Variants in MAST4 observed in about 807,000 individuals in gnomAD.
MAST4 encodes the protein microtubule associated serine/threonine kinase family member 4, also known as microtubule-associated serine/threonine-protein kinase 4.
In MAST4, 89 loss-of-function variants were observed where a neutral mutation model predicts 162.7. The ratio of observed to expected loss-of-function variants is 0.55; its 90% CI spans 0.46 to 0.65. The LOEUF (loss-of-function observed/expected upper bound fraction) is 0.65. Among genes scored for constraint, MAST4 ranks in the 30% least tolerant of loss-of-function variants. MAST4 has a pLI of 0.00. For missense variants in MAST4, 3,153 were observed against 3,374.0 expected, an observed-to-expected ratio of 0.93 and a Z score of 1.62; for synonymous variants, 1,479 against 1,361.1, an observed-to-expected ratio of 1.09 and a Z score of -1.91.
At chr5:66,631,320 G>A (rs897901661) in intron 1 of MAST4, among the ~76,000 whole-genome samples, 1 of 152,132 alleles carries the variant, frequency 6.6e-6, no homozygotes, top group African/African-American at 2.4e-5. Flanking sequence ...TCTAAGTAGG[G>A]GGTAAGGAGT....
chr5:66,856,597 G>T (rs1012635668), intron 3 of MAST4, among the ~76,000 whole-genome samples: 1 of 152,242 alleles, frequency 6.6e-6, no homozygotes, highest in African/African-American at 2.4e-5. Context: ...TGGAGGAAAA[G>T]ATTAGAAGTT....
In MAST4 at chr5:66,700,770, TA is replaced by T. The variant is rs1397591100; in HGVS notation, c.364-58929del. Among the ~76,000 whole-genome samples, 471 of 137,574 alleles carry T rather than the reference TA, an allele frequency of 3.4e-3. 3 individuals carry two copies. Among genetic ancestry groups the T allele is most frequent in the African/African-American group, 0.011 (393 of 36,874 alleles). The allele number at this position is 137,574 out of a possible 152,430, so 90.3% of individuals were successfully genotyped here. On this transcript the variant is annotated intron_variant, in intron 1 of 28. Coordinates refer to ENST00000403625, the MANE Select transcript of MAST4 (RefSeq NM_001164664.2). ...CTGTATGGAAATGAGGCTGTGAGAT[TA>T]AAAAAAAAATTATATATATATATAT...
At chr5:66,773,905 C>T (rs1754469164) in intron 2 of MAST4, among the ~76,000 whole-genome samples, 1 of 152,220 alleles carries the variant, frequency 6.6e-6, no homozygotes, top group Non-Finnish European at 1.5e-5. Flanking sequence ...TAATGCTGCA[C>T]CCAATTCAGC....
intron 26 of MAST4, among the ~76,000 whole-genome samples, chr5:67,154,748 TG>T (rs1475496747): frequency 6.6e-6 from 1 of 152,222 alleles, no homozygotes; most frequent in African/African-American, 2.4e-5. Context: ...AAGAACATCC[TG>T]CCTGTGTTCA....
chr5:66,755,113 CT>C (rs1251083957), intron 1 of MAST4, among the ~76,000 whole-genome samples: 13 of 152,012 alleles, frequency 8.6e-5, no homozygotes, highest in African/African-American at 2.4e-4. Context: ...ACAGAGACCT[CT>C]TGAGATGCTA....
At chr5:67,152,133 A>G (rs1771907720) in intron 24 of MAST4, among the ~76,000 whole-genome samples, 1 of 152,152 alleles carries the variant, frequency 6.6e-6, no homozygotes. Flanking sequence ...AAATTGATAA[A>G]TTGCTTTCCT....
intron 3 of MAST4, among the ~76,000 whole-genome samples, chr5:66,863,579 T>C (rs1314537206): frequency 6.6e-6 from 1 of 152,166 alleles, no homozygotes; most frequent in Non-Finnish European, 1.5e-5. Flanking sequence ...TCTCATGCTT[T>C]CTTTTCTTCC....
intron 3 of MAST4, among the ~76,000 whole-genome samples, chr5:66,843,628 T>G (rs1758585279): frequency 6.6e-6 from 1 of 152,172 alleles, no homozygotes; most frequent in Non-Finnish European, 1.5e-5. Flanking sequence ...AAGTTCTTTG[T>G]TAAGCCTTAT....
rs55717614 is a variant in MAST4 at position 67,142,142 on chromosome 5, G to A, written c.2522G>A (p.Arg841Gln). ...GGTGCATATGAAGTCAAACAGCATC[G>A]ATTCTTCCGTTCTTTAGACTGGAAC... ...TGGAYEVKQH[R>Q]FFRSLDWNSL... The change falls in exon 20 of 29, where the codon CGA becomes CAA. Residue 841 changes from arginine (R) to glutamine (Q), a missense_variant. Physicochemically the swap from Arg to Gln is conservative, Grantham distance 43. Around this residue, in one of 7 missense-constraint regions of MAST4, gnomAD observed 62 missense variants for 63.1 expected, o/e 0.98. Coordinates refer to ENST00000403625, the MANE Select transcript of MAST4 (RefSeq NM_001164664.2). 1.9e-6 allele frequency: 3 copies of A among 1,613,860 alleles called. No individual in the cohort carries two copies. The South Asian group carries it at 3.3e-5, about 18-fold the overall frequency.
intron 4 of MAST4, among the ~76,000 whole-genome samples, chr5:67,013,243 T>A (rs995056776): frequency 6.6e-5 from 10 of 152,368 alleles, no homozygotes; most frequent in African/African-American, 2.4e-4. Flanking sequence ...CTGTTCAAAG[T>A]AAGTACCAGC....
At chr5:67,142,699 G>A (rs1309768217) in intron 21 of MAST4, 166 bp downstream of exon 21, 4 of 581,346 alleles carry the variant, frequency 6.9e-6, no homozygotes, top group Non-Finnish European at 1.2e-5. Context: ...CTTATAGTCT[G>A]TCCCTATCCC....
intron 3 of MAST4, among the ~76,000 whole-genome samples, chr5:66,808,961 G>GCTT (rs1183864701): frequency 6.6e-6 from 1 of 152,166 alleles, no homozygotes; most frequent in Non-Finnish European, 1.5e-5. Context: ...TTTTTGTATA[G>GCTT]CACTTCACTG....
rs557519557 is a variant in MAST4 at position 67,044,699 on chromosome 5, A to C, written c.675-9705A>C. On this transcript the variant is annotated intron_variant, in intron 4 of 28. Coordinates refer to ENST00000403625, the MANE Select transcript of MAST4 (RefSeq NM_001164664.2). ...AGCTATTTTTAAAAATATTTTATAG[A>C]GTGGGGTTTCCCTATGTTAACCAAG... is the stretch of plus-strand genomic sequence containing the variant. 3.4e-4 allele frequency among the ~76,000 whole-genome samples: 51 copies of C among 152,210 alleles called. 2 individuals are homozygous for C. The South Asian group carries it at 6.9e-3, about 20-fold the overall frequency.
At chr5:66,933,915 C>A (rs895359560) in intron 4 of MAST4, among the ~76,000 whole-genome samples, 1 of 151,930 alleles carries the variant, frequency 6.6e-6, no homozygotes, top group Admixed American at 6.6e-5. Flanking sequence ...TGGTGTTGAA[C>A]TCCTGGCTTC....
chr5:67,123,067 C>T (rs997404659), intron 14 of MAST4, among the ~76,000 whole-genome samples: 15 of 152,312 alleles, frequency 9.8e-5, no homozygotes, highest in Admixed American at 5.2e-4. Context: ...TTCACCCAGT[C>T]AGTGAGGCTG....
At chr5:66,930,859 AT>A (rs1742117562) in intron 4 of MAST4, 1 of 462,746 alleles carries the variant, frequency 2.2e-6, no homozygotes, top group Non-Finnish European at 4.5e-6. Context: ...GCAGAGATGG[AT>A]AGAATTGTTG....
chr5:66,773,034 C>T (rs1445464426), intron 2 of MAST4, among the ~76,000 whole-genome samples: 1 of 152,142 alleles, frequency 6.6e-6, no homozygotes, highest in Admixed American at 6.5e-5. Flanking sequence ...GTCACTCGAG[C>T]ATACCCAGGC....
At chr5:66,624,066 A>G (rs1343620290) in intron 1 of MAST4, among the ~76,000 whole-genome samples, 1 of 152,026 alleles carries the variant, frequency 6.6e-6, no homozygotes, top group African/African-American at 2.4e-5. Flanking sequence ...ACATTTAATT[A>G]TAAAATATTG....
At chr5:66,751,083 G>C (rs528438703) in intron 1 of MAST4, among the ~76,000 whole-genome samples, 7 of 151,974 alleles carry the variant, frequency 4.6e-5, no homozygotes, top group Non-Finnish European at 7.4e-5. Context: ...GCAGCTGAGG[G>C]TCCTGTCTGT....
Sources: allele counts gnomAD v4.1 joint callset (sites outside exome capture counted in the v4.1 genomes callset), GRCh38; gene constraint gnomAD v4.1.1; regional missense constraint gnomAD v4.1.1; transcripts MANE v1.5; gene names NCBI Gene and HGNC (gene_info 2026-07-23, HGNC 2026-07-21).